Variants in MYLK observed in about 807,000 individuals in gnomAD.
MYLK encodes myosin light chain kinase, smooth muscle.
A neutral mutation model predicts 203.4 loss-of-function variants in MYLK; 106 were observed. The observed-to-expected ratio is 0.52, with a 90% CI of 0.45 to 0.61. MYLK has a LOEUF of 0.61. Among genes scored for constraint, MYLK ranks in the 20% least tolerant of loss-of-function variants. The probability of loss-of-function intolerance (pLI) is 0.00; values close to 1 mark genes in which losing one functional copy is unlikely to be tolerated. For missense variants in MYLK, 2,072 were observed against 2,442.3 expected (o/e 0.85, Z 3.20); for synonymous variants, 867 against 959.5 (o/e 0.90, Z 1.78).
At chr3:123,875,210 A>T (rs771531641) in intron 2 of MYLK, among the ~76,000 whole-genome samples, 3 of 152,352 alleles carry the variant, frequency 2.0e-5, no homozygotes, top group Middle Eastern at 6.8e-3. Flanking sequence ...AACTGGAAAC[A>T]GCCCAAATGT....
At chr3:123,863,294 G>A (rs2700402) in intron 2 of MYLK, among the ~76,000 whole-genome samples, 125,251 of 149,258 alleles carry the variant, frequency 0.84, 52,524 homozygotes, top group East Asian at 0.96. Context: ...TTCTAGATGA[G>A]AAAATGGTGA....
intron 2 of MYLK, among the ~76,000 whole-genome samples, chr3:123,863,097 T>C (rs2032053701): frequency 6.6e-6 from 1 of 152,132 alleles, no homozygotes; most frequent in Admixed American, 6.5e-5. Flanking sequence ...TCTGTCTCAG[T>C]TTCTTCCTCT....
At chr3:123,819,250 G>C (rs2065842877) in intron 3 of MYLK, among the ~76,000 whole-genome samples, 1 of 152,186 alleles carries the variant, frequency 6.6e-6, no homozygotes, top group African/African-American at 2.4e-5. Context: ...AGCCTTCAAA[G>C]AGAGAGTTTC....
intron 2 of MYLK, among the ~76,000 whole-genome samples, chr3:123,849,615 G>C (rs572175814): frequency 3.0e-4 from 46 of 152,206 alleles, no homozygotes; most frequent in Non-Finnish European, 5.9e-4. Flanking sequence ...GTTTGCCGGA[G>C]AAATGGAGAA....
chr3:123,809,272 C>T (rs1355356401), intron 3 of MYLK, among the ~76,000 whole-genome samples: 1 of 152,172 alleles, frequency 6.6e-6, no homozygotes, highest in Admixed American at 6.5e-5. Flanking sequence ...CGCCTGTAAT[C>T]CCAGCACTTT....
intron 2 of MYLK, among the ~76,000 whole-genome samples, chr3:123,851,349 C>T (rs1436817994): frequency 6.6e-6 from 1 of 152,186 alleles, no homozygotes; most frequent in Non-Finnish European, 1.5e-5. Flanking sequence ...TGGCCAGTTT[C>T]ATGATATTGA....
intron 13 of MYLK, among the ~76,000 whole-genome samples, chr3:123,714,886 A>C (rs2332595): frequency 0.86 from 130,146 of 152,214 alleles, 58,448 homozygotes; most frequent in Non-Finnish European, 0.99. Context: ...ACAATGACTA[A>C]GAATAAGCCC....
intron 4 of MYLK, among the ~76,000 whole-genome samples, chr3:123,765,739 G>A (rs905526314): frequency 6.6e-6 from 1 of 152,116 alleles, no homozygotes; most frequent in African/African-American, 2.4e-5. Flanking sequence ...ATTACATAGG[G>A]AAAAATTTAA....
At chr3:123,762,039 A>G (rs2063552320) in intron 4 of MYLK, among the ~76,000 whole-genome samples, 1 of 152,048 alleles carries the variant, frequency 6.6e-6, no homozygotes, top group African/African-American at 2.4e-5. Context: ...AAAAATATAT[A>G]TATTTTTATC....
chr3:123,708,494 G>C (rs2108640423), intron 15 of MYLK, among the ~76,000 whole-genome samples: 1 of 152,318 alleles, frequency 6.6e-6, no homozygotes. Flanking sequence ...AGGGACTTCA[G>C]AAAGCTGGGA....
intron 18 of MYLK, among the ~76,000 whole-genome samples, chr3:123,695,265 A>T (rs1283031517): frequency 2.6e-5 from 4 of 152,222 alleles, no homozygotes; most frequent in African/African-American, 9.6e-5. Flanking sequence ...CCCCAGGCCT[A>T]GGCGGACCTC....
At chr3:123,882,515 T>C (rs2033605655) in intron 1 of MYLK, among the ~76,000 whole-genome samples, 1 of 152,210 alleles carries the variant, frequency 6.6e-6, no homozygotes, top group African/African-American at 2.4e-5. Flanking sequence ...AAACTGAACA[T>C]GGGAGATAAA....
intron 24 of MYLK, among the ~76,000 whole-genome samples, chr3:123,653,187 C>T (rs1233374329): frequency 6.6e-6 from 1 of 152,084 alleles, no homozygotes; most frequent in African/African-American, 2.4e-5. Context: ...ACCCCATCTG[C>T]TCCACAGAAA....
chr3:123,714,132 T>C (rs746655621), intron 13 of MYLK, among the ~76,000 whole-genome samples: 1 of 152,166 alleles, frequency 6.6e-6, no homozygotes, highest in Non-Finnish European at 1.5e-5. Flanking sequence ...CATAGCTAAT[T>C]CAGTGTTACC....
intron 20 of MYLK, among the ~76,000 whole-genome samples, chr3:123,670,034 C>CAAAAAAAAAAAAA (rs57445681): frequency 8.1e-5 from 3 of 37,058 alleles, no homozygotes; most frequent in East Asian, 1.2e-3. Context: ...GACTCCATCT[C>CAAAAAAAAAAAAA]AAAAAAAAAA....
chr3:123,853,045 CA>C (rs1215446092), intron 2 of MYLK, among the ~76,000 whole-genome samples: 1 of 151,992 alleles, frequency 6.6e-6, no homozygotes, highest in African/African-American at 2.4e-5. Context: ...GTGCCTAGCA[CA>C]CCTTATCTTG....
At chr3:123,762,041 A>G (rs1183815547) in intron 4 of MYLK, among the ~76,000 whole-genome samples, 1 of 151,956 alleles carries the variant, frequency 6.6e-6, no homozygotes, top group Non-Finnish European at 1.5e-5. Context: ...AAATATATAT[A>G]TTTTTATCCT....
At chr3:123,733,145 G>A (rs1237713510) in intron 10 of MYLK, 43 bp from the exon 11 acceptor site, 1 of 1,592,314 alleles carries the variant, frequency 6.3e-7, no homozygotes, top group Non-Finnish European at 8.6e-7. Context: ...ATGCCCTGGA[G>A]AGCACCCTGT....
At chr3:123,833,748 GATTTTCTAAGCTA>G (rs2066405654) in intron 2 of MYLK, among the ~76,000 whole-genome samples, 1 of 152,158 alleles carries the variant, frequency 6.6e-6, no homozygotes, top group African/African-American at 2.4e-5. Flanking sequence ...TGGGTGAAAT[GATTTTCTAAGCTA>G]ATTTTTCAAC....
Sources: allele counts gnomAD v4.1 joint callset (sites outside exome capture counted in the v4.1 genomes callset), GRCh38; gene constraint gnomAD v4.1.1; transcripts MANE v1.5; gene names NCBI Gene and HGNC (gene_info 2026-07-23, HGNC 2026-07-21).